RAD51B: variants seen among roughly 807,000 people sequenced by gnomAD.
RAD51B encodes the protein DNA repair protein RAD51 homolog 2.
RAD51B carries 38 observed loss-of-function variants against 42.2 expected under a neutral mutation model. The observed-to-expected ratio is 0.90, with a 90% CI of 0.70 to 1.18. The LOEUF (loss-of-function observed/expected upper bound fraction) is 1.18, where lower values mean the gene tolerates loss of function less well. Among genes scored for constraint, RAD51B ranks in the 50% most tolerant of loss-of-function variants. The probability of loss-of-function intolerance (pLI) is 0.00; values close to 1 mark genes in which losing one functional copy is unlikely to be tolerated. For missense variants in RAD51B, 373 were observed against 400.7 expected, an observed-to-expected ratio of 0.93 and a Z score of 0.59; for synonymous variants, 154 against 145.2, an observed-to-expected ratio of 1.06 and a Z score of -0.43.
intron 8 of RAD51B, among the ~76,000 whole-genome samples, chr14:68,400,209 G>C (rs1566859200): frequency 6.6e-6 from 1 of 152,276 alleles, no homozygotes; most frequent in Non-Finnish European, 1.5e-5. Context: ...TCAGTCAAGT[G>C]GGTGGCCACC....
chr14:67,887,922 CA>C (rs1212497609), intron 7 of RAD51B, among the ~76,000 whole-genome samples: 1 of 152,146 alleles, frequency 6.6e-6, no homozygotes, highest in Non-Finnish European at 1.5e-5. Context: ...GTCGTTGTTC[CA>C]CAGCCTCATC....
chr14:68,476,540 C>T (rs1882624799), intron 10 of RAD51B, among the ~76,000 whole-genome samples: 1 of 152,110 alleles, frequency 6.6e-6, no homozygotes, highest in Non-Finnish European at 1.5e-5. Flanking sequence ...AAAATGTGCT[C>T]GTGGGTGAGA....
chr14:67,833,486 T>C (rs556074692), intron 3 of RAD51B, among the ~76,000 whole-genome samples: 42 of 152,306 alleles, frequency 2.8e-4, no homozygotes, highest in African/African-American at 9.4e-4. Flanking sequence ...CAGTGGATGT[T>C]TGAAAATTTG....
intron 7 of RAD51B, among the ~76,000 whole-genome samples, chr14:68,041,062 A>G (rs1031517170): frequency 2.1e-4 from 32 of 152,176 alleles, no homozygotes; most frequent in African/African-American, 7.2e-4. Context: ...TGATTGGATC[A>G]TGGGGGTGAA....
In RAD51B at chr14:68,258,409, A is replaced by C. The variant is rs1441195170; in HGVS notation, c.757-33475A>C. Among the ~76,000 whole-genome samples the C allele has an allele frequency of 2.9e-5, 4 of 139,118 alleles. No individual in the cohort carries two copies. The East Asian group carries it at 8.0e-4, about 28-fold the overall frequency. The allele number at this position is 139,118 out of a possible 152,430, so 91.3% of individuals were successfully genotyped here. A position where few individuals can be genotyped will look rare whatever the true frequency, so the allele number is the denominator to read the frequency against. Reference sequence around the variant, plus strand: ...GACCCTGTCTCTATACACACACACCACACACACACACACACACACACACTC... The same window carrying C: ...GACCCTGTCTCTATACACACACACCCCACACACACACACACACACACACTC... On this transcript the variant is annotated intron_variant, in intron 7 of 10. Transcript: ENST00000471583.
intron 9 of RAD51B, among the ~76,000 whole-genome samples, chr14:68,441,657 A>G (rs2085295617): frequency 6.6e-6 from 1 of 152,144 alleles, no homozygotes; most frequent in South Asian, 2.1e-4. Context: ...TGCAAAAAAG[A>G]TAATGTTATT....
At chr14:67,886,047 TTA>T in intron 6 of RAD51B, 59 bp downstream of exon 6, 1 of 1,346,674 alleles carries the variant, frequency 7.4e-7, no homozygotes, top group Non-Finnish European at 1.0e-6. Flanking sequence ...GTTTTATCTT[TTA>T]TGTTTCAGCT....
rs2078450190 is a variant in RAD51B, at chr14:68,154,144, A to G, written c.757-137740A>G. Among the ~76,000 whole-genome samples the G allele has an allele frequency of 3.3e-5, 5 of 152,282 alleles. No individual in the cohort carries two copies. The South Asian group carries it at 1.0e-3, about 32-fold the overall frequency. ...TGCATGCCTGGTTATCTTTGATTAG[A>G]TACCAGACATTGTGAATTTCACCTT... On this transcript the variant is annotated intron_variant, in intron 7 of 10. Coordinates refer to ENST00000471583, the MANE Select transcript of RAD51B (RefSeq NM_133510.4).
intron 8 of RAD51B, among the ~76,000 whole-genome samples, chr14:68,371,521 A>G (rs1212184135): frequency 1.3e-5 from 2 of 151,050 alleles, no homozygotes; most frequent in African/African-American, 4.9e-5. Flanking sequence ...CATCTGAAGA[A>G]AAAAAAAAGG....
At position 68,421,827 on chromosome 14, in the gene RAD51B, T is replaced by G. The variant is rs918400331; in HGVS notation, c.957+10300T>G. On this transcript the variant is annotated intron_variant, in intron 9 of 10. Transcript: ENST00000471583. ...TTTGCCAAAGAGCACGTGCTTGCCA[T>G]CCAACCACTCAGTCTTGGCAGTGCA... The G allele has an allele frequency of 5.0e-6, 8 of 1,594,694 alleles. No individual in the cohort carries two copies. In the East Asian group the frequency reaches 1.6e-4, roughly 31 times the overall value.
At chr14:68,524,789 C>T (rs536236487) in intron 10 of RAD51B, among the ~76,000 whole-genome samples, 6 of 152,160 alleles carry the variant, frequency 3.9e-5, no homozygotes, top group Non-Finnish European at 8.8e-5. Context: ...TCTTTAAAAA[C>T]CATTTATGTG....
chr14:67,959,693 T>C (rs2074621808), intron 7 of RAD51B, among the ~76,000 whole-genome samples: 1 of 152,254 alleles, frequency 6.6e-6, no homozygotes. Flanking sequence ...CTAGCATATC[T>C]ATATTTTGAC....
chr14:68,590,411 C>A (rs185182743), intron 10 of RAD51B, among the ~76,000 whole-genome samples: 1 of 152,364 alleles, frequency 6.6e-6, no homozygotes, highest in East Asian at 1.9e-4. Flanking sequence ...GTAACTGCCC[C>A]CAGCTTGCCA....
intron 3 of RAD51B, among the ~76,000 whole-genome samples, chr14:67,833,724 A>G (rs1308079739): frequency 2.0e-5 from 3 of 152,226 alleles, no homozygotes; most frequent in African/African-American, 7.2e-5. Flanking sequence ...TTTTCAGATC[A>G]ATGTTGACCA....
intron 7 of RAD51B, among the ~76,000 whole-genome samples, chr14:68,258,406 A>C (rs1006336987): frequency 1.4e-4 from 20 of 147,458 alleles, no homozygotes; most frequent in Non-Finnish European, 3.0e-4. Flanking sequence ...ATACACACAC[A>C]CCACACACAC....
At chr14:68,122,972 C>T (rs575156302) in intron 7 of RAD51B, among the ~76,000 whole-genome samples, 2 of 152,100 alleles carry the variant, frequency 1.3e-5, no homozygotes, top group Middle Eastern at 3.4e-3. Flanking sequence ...CACACACACA[C>T]ACACACACAG....
intron 7 of RAD51B, among the ~76,000 whole-genome samples, chr14:67,981,535 T>C (rs2075093028): frequency 6.6e-6 from 1 of 152,212 alleles, no homozygotes; most frequent in African/African-American, 2.4e-5. Context: ...TTATTTATAA[T>C]AGCCAAAAAT....
intron 9 of RAD51B, among the ~76,000 whole-genome samples, chr14:68,462,038 A>G (rs1185994243): frequency 6.6e-6 from 1 of 152,228 alleles, no homozygotes; most frequent in East Asian, 1.9e-4. Context: ...AGAGAAGGGA[A>G]CAGAGTGAGA....
chr14:68,514,033 C>G (rs539714205), intron 10 of RAD51B, among the ~76,000 whole-genome samples: 1 of 152,318 alleles, frequency 6.6e-6, no homozygotes, highest in Non-Finnish European at 1.5e-5. Flanking sequence ...GCCTGTCTCA[C>G]TACAGGTGCT....
Sources: gnomAD v4.1 joint callset for allele counts (sites outside exome capture counted in the v4.1 genomes callset) on GRCh38, gnomAD v4.1.1 for gene constraint, MANE v1.5 for transcripts, NCBI Gene and HGNC (gene_info 2026-07-23, HGNC 2026-07-21) for gene names.